Variants in CNTNAP2 observed in about 807,000 individuals in gnomAD.
The protein encoded by CNTNAP2 is contactin-associated protein-like 2.
In CNTNAP2, 98 loss-of-function variants were observed where a neutral mutation model predicts 155.2. The ratio of observed to expected loss-of-function variants is 0.63; its 90% confidence interval spans 0.54 to 0.75. The LOEUF is 0.75. CNTNAP2 is among the 30% of genes least tolerant of loss of function. The pLI, the probability that CNTNAP2 is intolerant of heterozygous loss-of-function variation, is 0.00. For synonymous variants in CNTNAP2, 651 were observed against 631.2 expected, an observed-to-expected ratio of 1.03 and a Z score of -0.47; for missense variants, 1,727 against 1,688.1, an observed-to-expected ratio of 1.02 and a Z score of -0.40.
chr7:147,871,531 C>T (rs1159812710), intron 13 of CNTNAP2, among the ~76,000 whole-genome samples: 1 of 152,202 alleles, frequency 6.6e-6, no homozygotes, highest in Non-Finnish European at 1.5e-5. Context: ...CCTCCTCTGC[C>T]TCAGTTGCCC....
At chr7:146,282,604 C>T (rs1418917238) in intron 1 of CNTNAP2, among the ~76,000 whole-genome samples, 1 of 152,040 alleles carries the variant, frequency 6.6e-6, no homozygotes, top group Non-Finnish European at 1.5e-5. Flanking sequence ...TATGTTTGCT[C>T]TCAGAAAAAT....
At chr7:146,535,188 ATAT>A (rs1192717206) in intron 1 of CNTNAP2, among the ~76,000 whole-genome samples, 1 of 36,102 alleles carries the variant, frequency 2.8e-5, no homozygotes, top group Non-Finnish European at 3.8e-5. Flanking sequence ...CATATATATG[ATAT>A]TATATCATAT....
At chr7:146,774,504 C>G (rs1225054174) in intron 2 of CNTNAP2, 123 bp downstream of exon 2, 2 of 705,244 alleles carry the variant, frequency 2.8e-6, no homozygotes, top group African/African-American at 3.5e-5. Flanking sequence ...ACTCCTGCCA[C>G]TTCTATTAAA....
chr7:147,420,343 G>T (rs570255617), intron 10 of CNTNAP2, among the ~76,000 whole-genome samples: 1 of 152,136 alleles, frequency 6.6e-6, no homozygotes, highest in South Asian at 2.1e-4. Flanking sequence ...AGTACATCTT[G>T]AGTACCACAA....
At chr7:146,280,273 A>G (rs538386689) in intron 1 of CNTNAP2, among the ~76,000 whole-genome samples, 1 of 152,220 alleles carries the variant, frequency 6.6e-6, no homozygotes, top group Non-Finnish European at 1.5e-5. Context: ...TGTAAGTGGA[A>G]GTGATAATTG....
intron 14 of CNTNAP2, among the ~76,000 whole-genome samples, chr7:147,923,055 A>G (rs925074862): frequency 6.6e-6 from 1 of 151,834 alleles, no homozygotes; most frequent in African/African-American, 2.4e-5. Context: ...CAGGAATTTG[A>G]TAAGTGTCCA....
At chr7:146,502,237 A>ATATATATATGAATATATATGTG (rs1563109661) in intron 1 of CNTNAP2, among the ~76,000 whole-genome samples, 9 of 67,388 alleles carry the variant, frequency 1.3e-4, no homozygotes, top group Admixed American at 3.6e-4. Context: ...ATATATATAT[A>ATATATATATGAATATATATGTG]TATATATATA....
At chr7:147,936,699 C>T (rs550078369) in intron 14 of CNTNAP2, among the ~76,000 whole-genome samples, 2 of 152,228 alleles carry the variant, frequency 1.3e-5, no homozygotes, top group Non-Finnish European at 2.9e-5. Flanking sequence ...CAACTAAAAA[C>T]AATGCTGCAC....
In CNTNAP2 at chr7:146,841,294, GGA is replaced by G. The variant is rs796712252; in HGVS notation, c.402+1393_402+1394del. Among the ~76,000 whole-genome samples, 287 of 120,620 alleles carry G rather than the reference GGA, an allele frequency of 2.4e-3. 1 individual carries two copies. The highest frequency in any genetic ancestry group is 0.021 in the African/African-American group (266 of 12,600). The allele number at this position is 120,620 out of a possible 152,430, so 79.1% of individuals were successfully genotyped here. On this transcript the variant is annotated intron_variant, in intron 3 of 23. Transcript: ENST00000361727. ...AGGAAGTATATGCTGAAAATGAAGA[GGA>G]GAACAGAAAATTTGAAAGAGTTGCC...
intron 10 of CNTNAP2, among the ~76,000 whole-genome samples, chr7:147,414,941 CAAAAAAAAAA>C (rs67048724): frequency 3.9e-5 from 2 of 50,980 alleles, no homozygotes; most frequent in East Asian, 6.4e-4. Context: ...GACTCCTTCT[CAAAAAAAAAA>C]AAAAAAAAAA....
chr7:147,754,973 A>T (rs1797194175), intron 13 of CNTNAP2, among the ~76,000 whole-genome samples: 1 of 152,230 alleles, frequency 6.6e-6, no homozygotes, highest in African/African-American at 2.4e-5. Context: ...CAGACAATAG[A>T]AGGTAATAAA....
intron 5 of CNTNAP2, among the ~76,000 whole-genome samples, chr7:147,117,145 C>T (rs1220361746): frequency 8.5e-5 from 13 of 152,122 alleles, no homozygotes; most frequent in Admixed American, 2.0e-4. Flanking sequence ...TGCAGACCTC[C>T]CGCCTTGCCT....
At chr7:147,080,458 TTAAC>T (rs1416683612) in intron 4 of CNTNAP2, among the ~76,000 whole-genome samples, 3 of 151,930 alleles carry the variant, frequency 2.0e-5, no homozygotes, top group Non-Finnish European at 2.9e-5. Flanking sequence ...TAATTAATAA[TTAAC>T]TAATATATGA....
intron 13 of CNTNAP2, among the ~76,000 whole-genome samples, chr7:147,749,569 T>C (rs1797100888): frequency 6.6e-6 from 1 of 152,194 alleles, no homozygotes; most frequent in East Asian, 1.9e-4. Flanking sequence ...GAACGATCCT[T>C]ACTGTTTCCC....
chr7:147,889,794 G>A (rs1466051178), intron 13 of CNTNAP2, among the ~76,000 whole-genome samples: 2 of 152,142 alleles, frequency 1.3e-5, no homozygotes, highest in Non-Finnish European at 2.9e-5. Context: ...GCTGCGTGTG[G>A]CTATTGGTTA....
rs1362778807 is a variant in CNTNAP2 at position 148,118,384 on chromosome 7, G to A, written c.2554+96G>A. On this transcript the variant is annotated intron_variant, in intron 16 of 23. Transcript: ENST00000361727. ...GTGGAAGGCCTTTTGATTCAAACGT[G>A]GAAGGTTTCCTTTGTTCCAGGAGCA... The A allele has an allele frequency of 8.8e-6, 12 of 1,358,848 alleles. No homozygotes were observed. In the Admixed American group the frequency reaches 2.2e-4, roughly 25 times the overall value. 84.2% of individuals were successfully genotyped at this position (1,358,848 alleles called of 1,614,324 possible). A position where few individuals can be genotyped will look rare whatever the true frequency, so the allele number is the denominator to read the frequency against.
intron 1 of CNTNAP2, among the ~76,000 whole-genome samples, chr7:146,407,215 C>G (rs1795805121): frequency 6.6e-6 from 1 of 152,160 alleles, no homozygotes; most frequent in Admixed American, 6.5e-5. Flanking sequence ...TCCAGGAATA[C>G]CAAAATAATT....
At chr7:147,238,037 C>T (rs1036138709) in intron 8 of CNTNAP2, among the ~76,000 whole-genome samples, 6 of 152,260 alleles carry the variant, frequency 3.9e-5, no homozygotes, top group Admixed American at 6.5e-5. Context: ...TTTTTTGAGA[C>T]GGAGTCTCGC....
chr7:146,585,280 C>A (rs1392066989), intron 1 of CNTNAP2, among the ~76,000 whole-genome samples: 1 of 152,034 alleles, frequency 6.6e-6, no homozygotes, highest in Admixed American at 6.6e-5. Context: ...TGCCACCACA[C>A]CTGGCTAATT....
Sources: allele counts gnomAD v4.1 joint callset (sites outside exome capture counted in the v4.1 genomes callset), GRCh38; gene constraint gnomAD v4.1.1; transcripts MANE v1.5; gene names NCBI Gene and HGNC (gene_info 2026-07-23, HGNC 2026-07-21).